Variants in MEF2A observed in about 807,000 individuals in gnomAD.
The protein encoded by MEF2A is myocyte enhancer factor 2A.
A neutral mutation model predicts 55.8 loss-of-function variants in MEF2A; 28 were observed. The ratio of observed to expected loss-of-function variants is 0.50; its 90% CI spans 0.37 to 0.69. The LOEUF (loss-of-function observed/expected upper bound fraction) is 0.69, where lower values mean the gene tolerates loss of function less well. MEF2A is among the 30% of genes least tolerant of loss of function. The pLI, the probability that MEF2A is intolerant of heterozygous loss-of-function variation, is 0.00. For missense variants in MEF2A, 528 were observed against 626.2 expected (o/e 0.84, Z 1.67); for synonymous variants, 239 against 227.1 (o/e 1.05, Z -0.47).
chr15:99,567,028 A>C (rs561813221), intron 1 of MEF2A, among the ~76,000 whole-genome samples: 1 of 152,270 alleles, frequency 6.6e-6, no homozygotes, highest in Non-Finnish European at 1.5e-5. Context: ...AAGTTTGGAA[A>C]AGGTGAGCAA....
At chr15:99,699,965 T>TGTTC (rs2153776258) in intron 8 of MEF2A, among the ~76,000 whole-genome samples, 1 of 68,072 alleles carries the variant, frequency 1.5e-5, no homozygotes, top group African/African-American at 5.2e-5. Flanking sequence ...TGTGTGTGTG[T>TGTTC]GTGTGTGTGT....
chr15:99,650,321 C>T (rs537802249), intron 4 of MEF2A, among the ~76,000 whole-genome samples: 100 of 152,220 alleles, frequency 6.6e-4, no homozygotes, highest in Non-Finnish European at 1.2e-3. Context: ...AGCTCTGGAG[C>T]ATTTTACCGT....
At chr15:99,640,623 C>A (rs1327794928) in intron 3 of MEF2A, among the ~76,000 whole-genome samples, 1 of 147,370 alleles carries the variant, frequency 6.8e-6, no homozygotes, top group African/African-American at 2.5e-5. Flanking sequence ...TTGGCATGAT[C>A]ATGGCTCACT....
chr15:99,640,198 C>G lies in MEF2A; in HGVS notation c.55-5363C>G, dbSNP rs536529647. On this transcript the variant is annotated intron_variant, in intron 3 of 11. Transcript: ENST00000557942. ...ACTCTCATTGTTGTGTTCTAACCTT[C>G]CGTATTCTTTGTGACTTTTTGTTTT... Among the ~76,000 whole-genome samples, 3 of 152,260 alleles carry G rather than the reference C, an allele frequency of 2.0e-5. No homozygotes were observed. In the East Asian group the frequency reaches 5.8e-4, roughly 29 times the overall value.
intron 1 of MEF2A, among the ~76,000 whole-genome samples, chr15:99,591,210 G>A (rs1969161975): frequency 6.6e-6 from 1 of 152,138 alleles, no homozygotes; most frequent in Non-Finnish European, 1.5e-5. Flanking sequence ...TTGGATTGCA[G>A]GCCTCCTGGT....
At chr15:99,666,546 C>G (rs1270859573) in intron 4 of MEF2A, among the ~76,000 whole-genome samples, 1 of 149,560 alleles carries the variant, frequency 6.7e-6, no homozygotes, top group African/African-American at 2.4e-5. Flanking sequence ...AACAAACCTG[C>G]ACGTTCTGCA....
intron 4 of MEF2A, among the ~76,000 whole-genome samples, chr15:99,652,019 C>T (rs951054136): frequency 2.0e-5 from 3 of 152,110 alleles, no homozygotes; most frequent in African/African-American, 4.8e-5. Flanking sequence ...ATAGTACTTA[C>T]CATCAGATAA....
At position 99,715,948 on chromosome 15, in the gene MEF2A, CTTTCCTTTAACTA is replaced by C. The variant is rs2059113229; in HGVS notation, c.*3178_*3190del. 2 of 153,058 alleles carry C rather than the reference CTTTCCTTTAACTA, an allele frequency of 1.3e-5. No individual in the cohort carries two copies. The highest frequency in any genetic ancestry group is 1.3e-4 in the Admixed American group (2 of 15,456). 9.5% of individuals were successfully genotyped at this position (153,058 alleles called of 1,614,324 possible). A position where few individuals can be genotyped will look rare whatever the true frequency, so the allele number is the denominator to read the frequency against. On this transcript the variant is annotated 3_prime_UTR_variant, in exon 12 of 12. Transcript: ENST00000557942. ...CTACAAGAACAATACATGTTTTACC[CTTTCCTTTAACTA>C]GAAGGATAACTAGTAATGCATCAAC...
At chr15:99,657,190 G>C (rs2047881876) in intron 4 of MEF2A, among the ~76,000 whole-genome samples, 2 of 151,676 alleles carry the variant, frequency 1.3e-5, no homozygotes. Context: ...TACAAGTTTT[G>C]GTATGGGTAT....
At chr15:99,666,150 C>T (rs753346726) in intron 4 of MEF2A, among the ~76,000 whole-genome samples, 31 of 152,030 alleles carry the variant, frequency 2.0e-4, no homozygotes, top group Non-Finnish European at 3.7e-4. Flanking sequence ...ACGTTTACTG[C>T]GGCACTGTTC....
intron 4 of MEF2A, among the ~76,000 whole-genome samples, chr15:99,668,189 G>A (rs2050161804): frequency 1.3e-5 from 2 of 152,184 alleles, no homozygotes; most frequent in Non-Finnish European, 2.9e-5. Context: ...GACGTGTACT[G>A]ATGAAAAATA....
At position 99,714,056 on chromosome 15, in the gene MEF2A, G is replaced by T. The variant is rs1462190599; in HGVS notation, c.*1285G>T. The T allele has an allele frequency of 6.6e-6, 1 of 152,084 alleles. No individual in the cohort carries two copies. Among genetic ancestry groups the T allele is most frequent in the Non-Finnish European group, 1.5e-5 (1 of 68,010 alleles). The allele number at this position is 152,084 out of a possible 1,614,324, so 9.4% of individuals were successfully genotyped here. A position where few individuals can be genotyped will look rare whatever the true frequency, so the allele number is the denominator to read the frequency against. On this transcript the variant is annotated 3_prime_UTR_variant, in exon 12 of 12. Transcript: ENST00000557942. ...TAATTATTAGCCCAGTTTTTTCAGA[G>T]GATTGTATAAAGGGGTTTCTCCCCT...
chr15:99,609,466 G>A (rs183115744), intron 2 of MEF2A, among the ~76,000 whole-genome samples: 114 of 152,252 alleles, frequency 7.5e-4, no homozygotes, highest in Middle Eastern at 3.4e-3. Context: ...TATATTCAAA[G>A]TACAGTTTAT....
At chr15:99,604,709 G>GTT in intron 2 of MEF2A, among the ~76,000 whole-genome samples, 1 of 129,196 alleles carries the variant, frequency 7.7e-6, no homozygotes, top group Non-Finnish European at 1.7e-5. Flanking sequence ...TAGGGGTTTT[G>GTT]TTTTTTTTTT....
chr15:99,714,545 T>C lies in MEF2A; in HGVS notation c.*1774T>C, dbSNP rs1597364456. ...TGGTCCTTGGCATGACTCTTGCCATTCTAATTGGAATTAGTGCCACCCTCA... is the reference window on the plus strand; with the variant it reads ...TGGTCCTTGGCATGACTCTTGCCATCCTAATTGGAATTAGTGCCACCCTCA... On this transcript the variant is annotated 3_prime_UTR_variant, in exon 12 of 12. Transcript: ENST00000557942. 2 of 152,288 alleles carry C rather than the reference T, an allele frequency of 1.3e-5. No individual in the cohort carries two copies. Among genetic ancestry groups the C allele is most frequent in the East Asian group, 3.9e-4 (2 of 5,176 alleles). 9.4% of individuals were successfully genotyped at this position (152,288 alleles called of 1,614,324 possible). A position where few individuals can be genotyped will look rare whatever the true frequency, so the allele number is the denominator to read the frequency against.
chr15:99,614,777 A>G (rs986381019), intron 2 of MEF2A, among the ~76,000 whole-genome samples: 2 of 152,146 alleles, frequency 1.3e-5, no homozygotes, highest in Middle Eastern at 3.2e-3. Context: ...GATAAGAGCT[A>G]CTGAGAGAGA....
chr15:99,594,691 G>A (rs1396190381), intron 1 of MEF2A, among the ~76,000 whole-genome samples: 3 of 152,060 alleles, frequency 2.0e-5, no homozygotes, highest in African/African-American at 4.8e-5. Context: ...TGGCATGCAA[G>A]AGACACTTGC....
At chr15:99,620,961 C>T (rs534953636) in intron 2 of MEF2A, 1 of 151,846 alleles carries the variant, frequency 6.6e-6, no homozygotes, top group African/African-American at 2.4e-5. Context: ...TCTCGTACCT[C>T]AGCCTCCCGA....
chr15:99,707,574 C>T (rs990937531), intron 10 of MEF2A, among the ~76,000 whole-genome samples: 5 of 152,084 alleles, frequency 3.3e-5, no homozygotes, highest in South Asian at 2.1e-4. Flanking sequence ...TATGGAGAAT[C>T]GAGGGCAGCT....
Sources: gnomAD v4.1 joint callset for allele counts (sites outside exome capture counted in the v4.1 genomes callset) on GRCh38, gnomAD v4.1.1 for gene constraint, MANE v1.5 for transcripts, NCBI Gene and HGNC (gene_info 2026-07-23, HGNC 2026-07-21) for gene names.